The following ANKRD13C variants were observed in gnomAD, a reference collection of about 807,000 sequenced individuals.
ANKRD13C encodes the protein ankyrin repeat domain 13C, also known as ankyrin repeat domain-containing protein 13C.
ANKRD13C carries 16 observed loss-of-function variants against 65.5 expected under a neutral mutation model. The ratio of observed to expected loss-of-function variants is 0.24; its 90% CI spans 0.17 to 0.37. ANKRD13C has a LOEUF of 0.37. ANKRD13C is among the 10% of genes least tolerant of loss of function. ANKRD13C has a pLI of 1.00. For synonymous variants in ANKRD13C, 235 were observed against 238.7 expected, an observed-to-expected ratio of 0.98 and a Z score of 0.14; for missense variants, 503 against 655.9, an observed-to-expected ratio of 0.77 and a Z score of 2.55.
intron 1 of ANKRD13C, among the ~76,000 whole-genome samples, chr1:70,353,235 T>C (rs1251993074): frequency 6.6e-6 from 1 of 152,140 alleles, no homozygotes; most frequent in Non-Finnish European, 1.5e-5. Context: ...AAAATTCAGC[T>C]GACAAGGCAA....
intron 1 of ANKRD13C, among the ~76,000 whole-genome samples, chr1:70,352,339 C>CAAA (rs397965041): frequency 0.022 from 1,305 of 60,586 alleles, 53 homozygotes; most frequent in South Asian, 0.042. Context: ...GACTCCGTCT[C>CAAA]AAAAAAAAAA....
chr1:70,296,761 T>G (rs1055156166), intron 7 of ANKRD13C, among the ~76,000 whole-genome samples: 1 of 151,988 alleles, frequency 6.6e-6, no homozygotes, highest in African/African-American at 2.4e-5. Flanking sequence ...AAGGAAGAAC[T>G]GAAGGGAGGG....
intron 6 of ANKRD13C, among the ~76,000 whole-genome samples, chr1:70,301,714 T>C (rs1009918962): frequency 1.3e-5 from 2 of 152,240 alleles, no homozygotes; most frequent in African/African-American, 4.8e-5. Context: ...GGACCTGTCA[T>C]GGTCTAGCCT....
chr1:70,314,740 TAA>T (rs560566300), intron 4 of ANKRD13C, among the ~76,000 whole-genome samples: 11 of 133,742 alleles, frequency 8.2e-5, no homozygotes, highest in Admixed American at 1.5e-4. Context: ...TCTTAAGATC[TAA>T]AAAAAAAAAA....
intron 12 of ANKRD13C, among the ~76,000 whole-genome samples, chr1:70,266,305 C>CATG (rs1449677213): frequency 1.3e-5 from 2 of 152,186 alleles, no homozygotes; most frequent in Admixed American, 1.3e-4. Context: ...CAGGTTGTTT[C>CATG]ATGTATTAGC....
chr1:70,274,645 G>T, intron 11 of ANKRD13C, 75 bp downstream of exon 11: 1 of 1,067,380 alleles, frequency 9.4e-7, no homozygotes, highest in Non-Finnish European at 1.4e-6. Context: ...TGCACCACTG[G>T]GGTGCAAATA....
chr1:70,297,338 G>C (rs1680133772), intron 7 of ANKRD13C, among the ~76,000 whole-genome samples: 1 of 133,048 alleles, frequency 7.5e-6, no homozygotes, highest in African/African-American at 2.8e-5. Flanking sequence ...TTGTCGCCCA[G>C]GCTGGAGTGC....
Position 70,296,274 on chromosome 1 carries a change from C to T in ANKRD13C, c.922-13G>A. The stretch of plus-strand genomic sequence containing the variant: ...CCATCTCTGATTCCTGGGATGTGAG[C>T]AAAAGTTAAATATAAAAATCTAGGT... On this transcript the variant is annotated splice_polypyrimidine_tract_variant and intron_variant, in intron 7 of 12. Coordinates refer to ENST00000370944, the MANE Select transcript of ANKRD13C (RefSeq NM_030816.5). 3.7e-6 allele frequency: 6 copies of T among 1,603,466 alleles called. No individual in the cohort carries two copies. The highest frequency in any genetic ancestry group is 5.1e-6 in the Non-Finnish European group (6 of 1,176,500).
At chr1:70,281,329 A>G (rs1396917723) in intron 9 of ANKRD13C, among the ~76,000 whole-genome samples, 1 of 151,036 alleles carries the variant, frequency 6.6e-6, no homozygotes, top group African/African-American at 2.4e-5. Flanking sequence ...GGATGAGCAC[A>G]TGACTTCCTA....
chr1:70,325,777 G>A (rs1681508858), intron 2 of ANKRD13C, among the ~76,000 whole-genome samples: 1 of 152,156 alleles, frequency 6.6e-6, no homozygotes, highest in Admixed American at 6.5e-5. Context: ...TAAATGGGAG[G>A]CTGAGGCAGG....
At chr1:70,317,998 C>A (rs1681142351) in intron 3 of ANKRD13C, among the ~76,000 whole-genome samples, 1 of 152,064 alleles carries the variant, frequency 6.6e-6, no homozygotes, top group Non-Finnish European at 1.5e-5. Context: ...TAAATAACGA[C>A]CAAACATCAT....
chr1:70,280,437 T>C (rs1448998853), intron 9 of ANKRD13C, among the ~76,000 whole-genome samples: 1 of 152,166 alleles, frequency 6.6e-6, no homozygotes, highest in Non-Finnish European at 1.5e-5. Context: ...ATGAGTAGTA[T>C]ACATGAAGAT....
chr1:70,352,459 G>A (rs539070236), intron 1 of ANKRD13C, among the ~76,000 whole-genome samples: 47 of 151,582 alleles, frequency 3.1e-4, no homozygotes, highest in African/African-American at 9.7e-4. Context: ...ACTCCTAAAT[G>A]TTGGGTTGAA....
chr1:70,351,086 G>A (rs571658593), intron 1 of ANKRD13C, among the ~76,000 whole-genome samples: 71 of 152,288 alleles, frequency 4.7e-4, no homozygotes, highest in Non-Finnish European at 6.6e-4. Context: ...ACTTGAACCC[G>A]GGAGGCAGAG....
At chr1:70,338,039 C>T (rs923572534) in intron 1 of ANKRD13C, among the ~76,000 whole-genome samples, 1 of 151,884 alleles carries the variant, frequency 6.6e-6, no homozygotes, top group African/African-American at 2.4e-5. Flanking sequence ...GCGAAGGTTG[C>T]GGTGAACCAA....
In ANKRD13C at chr1:70,303,148, G is replaced by C. The variant is rs539782204; in HGVS notation, c.777-2240C>G. On this transcript the variant is annotated intron_variant, in intron 6 of 12. Coordinates refer to ENST00000370944, the MANE Select transcript of ANKRD13C (RefSeq NM_030816.5). The stretch of plus-strand genomic sequence containing the variant: ...AATACAGCCTATTTTTATTTCATTC[G>C]TGTTTCTATAATTTTGCAATAAAAA... Among the ~76,000 whole-genome samples the C allele has an allele frequency of 1.2e-3, 189 of 152,080 alleles. No homozygotes were observed. In the Middle Eastern group the frequency reaches 0.017, roughly 14 times the overall value.
In ANKRD13C at chr1:70,336,041, A is replaced by AG; in HGVS notation, c.472+16dup. ...TATAAATGAAGTTAAACATAAAAAA[A>AG]GAAAATATTTACTAACCTTTATTTC... On this transcript the variant is annotated intron_variant, in intron 2 of 12. Coordinates refer to ENST00000370944, the MANE Select transcript of ANKRD13C (RefSeq NM_030816.5). The AG allele has an allele frequency of 1.3e-6, 1 of 799,668 alleles. No homozygotes were observed. Among genetic ancestry groups the AG allele is most frequent in the Non-Finnish European group, 1.8e-6 (1 of 565,520 alleles). The allele number at this position is 799,668 out of a possible 1,614,324, so 49.5% of individuals were successfully genotyped here.
At chr1:70,264,984 G>T (rs1000466874) in intron 12 of ANKRD13C, among the ~76,000 whole-genome samples, 3 of 152,160 alleles carry the variant, frequency 2.0e-5, no homozygotes, top group African/African-American at 7.2e-5. Context: ...CTCAAAGGAA[G>T]TATCTGGTTT....
At chr1:70,295,470 A>G (rs1190792610) in intron 8 of ANKRD13C, among the ~76,000 whole-genome samples, 1 of 151,708 alleles carries the variant, frequency 6.6e-6, no homozygotes, top group Non-Finnish European at 1.5e-5. Flanking sequence ...CTGGTCTCGA[A>G]CTCCTGACCT....
Sources: gnomAD v4.1 joint callset for allele counts (sites outside exome capture counted in the v4.1 genomes callset) on GRCh38, gnomAD v4.1.1 for gene constraint, MANE v1.5 for transcripts, NCBI Gene and HGNC (gene_info 2026-07-23, HGNC 2026-07-21) for gene names.